Variants in ZFHX3 observed in about 807,000 individuals in gnomAD.
The protein encoded by ZFHX3 is zinc finger homeobox 3.
A neutral mutation model predicts 279.1 loss-of-function variants in ZFHX3; 42 were observed. That is an observed-to-expected ratio of 0.15 (90% CI 0.12 to 0.19). ZFHX3 has a LOEUF of 0.19. ZFHX3 is among the 10% of genes least tolerant of loss of function. The pLI, the probability that ZFHX3 is intolerant of heterozygous loss-of-function variation, is 1.00. For synonymous variants in ZFHX3, 2,293 were observed against 1,957.8 expected, an observed-to-expected ratio of 1.17 and a Z score of -4.52; for missense variants, 4,981 against 4,754.0, an observed-to-expected ratio of 1.05 and a Z score of -1.40.
chr16:73,309,407 T>G (rs1370229273), intron 4 of ZFHX3, among the ~76,000 whole-genome samples: 1 of 151,908 alleles, frequency 6.6e-6, no homozygotes, highest in African/African-American at 2.4e-5. Context: ...AAGGCCATAA[T>G]CTCATTCTTT....
chr16:72,963,692 C>A (rs563107764), intron 1 of ZFHX3, among the ~76,000 whole-genome samples: 4 of 152,180 alleles, frequency 2.6e-5, no homozygotes, highest in Non-Finnish European at 5.9e-5. Context: ...AAACGTTCAT[C>A]TCCCTCTTTA....
intron 3 of ZFHX3, among the ~76,000 whole-genome samples, chr16:73,405,162 G>A (rs1567473780): frequency 6.6e-6 from 1 of 152,090 alleles, no homozygotes; most frequent in African/African-American, 2.4e-5. Flanking sequence ...GAGCATCAGC[G>A]ACCAAAGCCG....
At chr16:73,010,675 T>C (rs945551320) in intron 1 of ZFHX3, among the ~76,000 whole-genome samples, 1 of 152,206 alleles carries the variant, frequency 6.6e-6, no homozygotes, top group African/African-American at 2.4e-5. Context: ...GTCTCCACTC[T>C]GCCTGATGTG....
chr16:73,082,576 T>C (rs1161587060), intron 8 of ZFHX3, among the ~76,000 whole-genome samples: 1 of 152,096 alleles, frequency 6.6e-6, no homozygotes, highest in South Asian at 2.1e-4. Context: ...GCCAAATGAA[T>C]GAATTTTACA....
chr16:73,794,287 A>G (rs1389578830), intron 1 of ZFHX3: 1 of 151,900 alleles, frequency 6.6e-6, no homozygotes, highest in East Asian at 1.9e-4. Context: ...CCCCTAGGCC[A>G]CCCCAGACCC....
chr16:73,238,861 T>C (rs2013033296), intron 5 of ZFHX3, among the ~76,000 whole-genome samples: 1 of 152,150 alleles, frequency 6.6e-6, no homozygotes, highest in Admixed American at 6.5e-5. Context: ...CACCTCGGCT[T>C]CCTTCATTTG....
intron 3 of ZFHX3, among the ~76,000 whole-genome samples, chr16:73,414,009 A>T (rs55914002): frequency 0.27 from 40,793 of 152,232 alleles, 6,056 homozygotes; most frequent in Middle Eastern, 0.42. Context: ...AGGCCCTGAC[A>T]AGTCCTGCAG....
intron 2 of ZFHX3, among the ~76,000 whole-genome samples, chr16:73,479,670 GCCT>G (rs2018830215): frequency 6.6e-6 from 1 of 152,150 alleles, no homozygotes; most frequent in Non-Finnish European, 1.5e-5. Context: ...GTGTCACCAT[GCCT>G]CCTATATGGT....
chr16:72,974,807 T>A (rs905949965), intron 1 of ZFHX3, among the ~76,000 whole-genome samples: 2 of 152,202 alleles, frequency 1.3e-5, no homozygotes, highest in Non-Finnish European at 2.9e-5. Context: ...ATGCCTTGAC[T>A]GGGCACCCTC....
intron 1 of ZFHX3, among the ~76,000 whole-genome samples, chr16:73,699,339 A>T (rs1426013872): frequency 6.6e-6 from 1 of 152,216 alleles, no homozygotes; most frequent in Admixed American, 6.5e-5. Context: ...ATAGATATAA[A>T]ATTGAATATA....
intron 2 of ZFHX3, among the ~76,000 whole-genome samples, chr16:73,473,248 G>A (rs957936709): frequency 2.0e-5 from 3 of 150,420 alleles, no homozygotes; most frequent in Non-Finnish European, 1.5e-5. Flanking sequence ...GAGGTGGGAG[G>A]GTCACTTGAG....
intron 3 of ZFHX3, among the ~76,000 whole-genome samples, chr16:73,338,899 T>C (rs561780940): frequency 3.0e-4 from 45 of 152,124 alleles, no homozygotes; most frequent in Non-Finnish European, 5.9e-4. Flanking sequence ...TTGCAAGATC[T>C]GATCGTTTAA....
chr16:73,049,975 A>G (rs1307993672), upstream of ZFHX3, among the ~76,000 whole-genome samples: 1 of 152,242 alleles, frequency 6.6e-6, no homozygotes, highest in Non-Finnish European at 1.5e-5. Context: ...GTGGCCCACA[A>G]CGCAGAGATG....
chr16:72,884,650 G>A (rs574193741), intron 4 of ZFHX3, among the ~76,000 whole-genome samples: 1 of 152,318 alleles, frequency 6.6e-6, no homozygotes, highest in South Asian at 2.1e-4. Context: ...GAAGGAGAAA[G>A]GCCGACAGCA....
chr16:73,559,715 A>C (rs775851063), intron 2 of ZFHX3, among the ~76,000 whole-genome samples: 1 of 152,260 alleles, frequency 6.6e-6, no homozygotes, highest in South Asian at 2.1e-4. Context: ...AACTTCTTGG[A>C]ATAAAGAGGT....
intron 1 of ZFHX3, among the ~76,000 whole-genome samples, chr16:73,736,695 G>T (rs751737985): frequency 2.0e-5 from 3 of 152,204 alleles, no homozygotes; most frequent in Non-Finnish European, 2.9e-5. Flanking sequence ...CACATCAGAT[G>T]TCAATTCATT....
chr16:73,205,710 G>A (rs77116662), intron 5 of ZFHX3, among the ~76,000 whole-genome samples: 4,723 of 152,198 alleles, frequency 0.031, 119 homozygotes, highest in Non-Finnish European at 0.049. Context: ...TCAAGATTAG[G>A]AAAGCAGTAA....
intron 1 of ZFHX3, among the ~76,000 whole-genome samples, chr16:73,862,941 G>A (rs1274466063): frequency 2.6e-5 from 4 of 152,174 alleles, no homozygotes; most frequent in Non-Finnish European, 4.4e-5. Context: ...GGCCAGGAGT[G>A]GTGGCTCACA....
At chr16:72,841,005 G>A (rs911833460) in intron 4 of ZFHX3, among the ~76,000 whole-genome samples, 1 of 152,118 alleles carries the variant, frequency 6.6e-6, no homozygotes, top group Non-Finnish European at 1.5e-5. Context: ...AGGTCACTAC[G>A]TATTTACAGG....
Sources: gnomAD v4.1 joint callset for allele counts (sites outside exome capture counted in the v4.1 genomes callset) on GRCh38, gnomAD v4.1.1 for gene constraint, MANE v1.5 for transcripts, NCBI Gene and HGNC (gene_info 2026-07-23, HGNC 2026-07-21) for gene names.